VEGFD: variants seen among roughly 807,000 people sequenced by gnomAD.
VEGFD encodes vascular endothelial growth factor D.
In VEGFD, 26 loss-of-function variants were observed where a neutral mutation model predicts 28.0. That is an observed-to-expected ratio of 0.93 (90% CI 0.68 to 1.29). VEGFD has a LOEUF of 1.29. Ranked by LOEUF, VEGFD falls within the 50% of genes most tolerant of loss-of-function variation. VEGFD has a pLI of 0.00. For synonymous variants in VEGFD, 93 were observed against 95.5 expected (o/e 0.97, Z 0.15); for missense variants, 294 against 273.4 (o/e 1.08, Z -0.53).
chrX:15,351,242 A>G (rs1372156550), intron 5 of VEGFD, among the ~76,000 whole-genome samples: 1 of 99,885 alleles, frequency 1.0e-5, no homozygotes, highest in African/African-American at 3.6e-5. Flanking sequence ...CAGCCTCCCA[A>G]GTAGCTGGGA....
chrX:15,377,442 A>AT (rs1307628743), intron 1 of VEGFD, among the ~76,000 whole-genome samples: 10 of 111,770 alleles, frequency 8.9e-5, no homozygotes, highest in African/African-American at 3.2e-4. Context: ...AAATCAGTGA[A>AT]TTTTTTTTAT....
chrX:15,355,838 GTCC>G (rs937638345), intron 3 of VEGFD, among the ~76,000 whole-genome samples: 29 of 111,748 alleles, frequency 2.6e-4, no homozygotes, highest in African/African-American at 9.1e-4. Context: ...AGGCTTGCTG[GTCC>G]AAGCGATGGG....
chrX:15,368,070 GAAA>G (rs1569186714), intron 1 of VEGFD, among the ~76,000 whole-genome samples: 28 of 92,614 alleles, frequency 3.0e-4, no homozygotes, highest in African/African-American at 9.6e-4. Flanking sequence ...AGGAAAGAAA[GAAA>G]GAAAGAAAGA....
chrX:15,348,894 C>T (rs905452226), intron 5 of VEGFD, among the ~76,000 whole-genome samples: 13 of 112,449 alleles, frequency 1.2e-4, no homozygotes, highest in African/African-American at 3.9e-4. Flanking sequence ...TGAAGCAGGC[C>T]GATGTATGGA....
chrX:15,355,381 T>TCAACCTCCCAAAG, intron 3 of VEGFD, 83 bp from the exon 4 acceptor site: 1 of 859,795 alleles, frequency 1.2e-6, no homozygotes, highest in Non-Finnish European at 1.5e-6. Flanking sequence ...AATTTTTGCC[T>TCAACCTCCCAAAG]TTGTCATTTA....
intron 1 of VEGFD, among the ~76,000 whole-genome samples, chrX:15,382,212 C>A (rs775957783): frequency 9.1e-6 from 1 of 110,170 alleles, no homozygotes; most frequent in Non-Finnish European, 1.9e-5. Context: ...TCCAGCTACT[C>A]GAGAGGCTGA....
chrX:15,359,504 C>T (rs915952337), intron 2 of VEGFD, among the ~76,000 whole-genome samples: 7 of 108,155 alleles, frequency 6.5e-5, no homozygotes, highest in Non-Finnish European at 9.6e-5. Context: ...TTTCAAGCCC[C>T]GCATGCATTA....
chrX:15,374,641 C>T (rs1038141910), intron 1 of VEGFD, among the ~76,000 whole-genome samples: 35 of 111,131 alleles, frequency 3.1e-4, no homozygotes, highest in Non-Finnish European at 5.8e-4. Flanking sequence ...AGTTCCGTAT[C>T]CTAATTATGG....
Position 15,358,068 on chromosome X carries a change from C to T in VEGFD, c.427G>A (p.Gly143Ser). The change falls in exon 3 of 7, where the codon GGT becomes AGT. Residue 143 changes from glycine (G) to serine (S), a missense_variant. Coordinates refer to ENST00000297904, the MANE Select transcript of VEGFD (RefSeq NM_004469.5). Reference protein sequence around the residue: ...KPPCVNVFRCGGCCNEESLIC... With the variant: ...KPPCVNVFRCSGCCNEESLIC... ...AGGCTCTCTTCATTGCAACAGCCAC[C>T]ACATCGGAACACGTTCACACAAGGG... 1.7e-6 allele frequency: 2 copies of T among 1,211,510 alleles called. No individual in the cohort carries two copies. Among genetic ancestry groups the T allele is most frequent in the East Asian group, 5.9e-5 (2 of 33,846 alleles).
intron 1 of VEGFD, among the ~76,000 whole-genome samples, chrX:15,382,936 G>A (rs769074864): frequency 9.0e-6 from 1 of 111,672 alleles, no homozygotes; most frequent in Admixed American, 9.5e-5. Context: ...CTGTATGTAC[G>A]TCTGTGCGTG....
chrX:15,369,378 TTTGG>T (rs761887167), intron 1 of VEGFD, among the ~76,000 whole-genome samples: 23 of 110,182 alleles, frequency 2.1e-4, no homozygotes, highest in African/African-American at 7.2e-4. Flanking sequence ...AGGGGTTCAC[TTTGG>T]TTGGGCATAG....
intron 3 of VEGFD, among the ~76,000 whole-genome samples, chrX:15,357,660 C>A (rs1230297017): frequency 8.9e-6 from 1 of 111,788 alleles, no homozygotes; most frequent in African/African-American, 3.3e-5. Context: ...CTTTTAACAT[C>A]CTGTCCTAGT....
At chrX:15,375,074 T>A (rs922178140) in intron 1 of VEGFD, among the ~76,000 whole-genome samples, 1 of 111,317 alleles carries the variant, frequency 9.0e-6, no homozygotes, top group African/African-American at 3.3e-5. Context: ...TTAGGGCCCC[T>A]GATATTCCTT....
chrX:15,368,035 G>GAAAGAAAGAAAGAAAAGAAGA, intron 1 of VEGFD, among the ~76,000 whole-genome samples: 1 of 37,432 alleles, frequency 2.7e-5, no homozygotes, highest in South Asian at 1.6e-3. Context: ...AGAAAGGAAA[G>GAAAGAAAGAAAGAAAAGAAGA]AAGAAAGAAA....
intron 1 of VEGFD, among the ~76,000 whole-genome samples, chrX:15,368,010 GAAAGAAAGAAAGAAAGAAAGGAAA>G (rs1400961376): frequency 1.2e-5 from 1 of 81,910 alleles, no homozygotes; most frequent in African/African-American, 4.8e-5. Flanking sequence ...AAGAAAGAAA[GAAAGAAAGAAAGAAAGAAAGGAAA>G]GAAGAAAGAA....
At chrX:15,347,461 C>T in intron 5 of VEGFD, 102 bp from the exon 6 acceptor site, 1 of 615,079 alleles carries the variant, frequency 1.6e-6, no homozygotes, top group Non-Finnish European at 2.4e-6. Context: ...AACTTGGATT[C>T]ACCCAATCTC....
chrX:15,368,027 A>AAAGAAAGG (rs1346653041), intron 1 of VEGFD, among the ~76,000 whole-genome samples: 1 of 83,070 alleles, frequency 1.2e-5, no homozygotes, highest in Non-Finnish European at 2.3e-5. Flanking sequence ...AGAAAGAAAG[A>AAAGAAAGG]AAGGAAAGAA....
At position 15,358,198 on chromosome X, in the gene VEGFD, A is replaced by G; in HGVS notation, c.302-5T>C. 8.3e-7 allele frequency: 1 copy of G among 1,199,593 alleles called. No individual in the cohort carries two copies. Among genetic ancestry groups the G allele is most frequent in the Non-Finnish European group, 1.1e-6 (1 of 889,172 alleles). On this transcript the variant is annotated splice_region_variant and splice_polypyrimidine_tract_variant and intron_variant, in intron 2 of 6. Coordinates refer to ENST00000297904, the MANE Select transcript of VEGFD (RefSeq NM_004469.5). Reference sequence around the variant, plus strand: ...TTTGCCATTCTTCATCTATAACTGCAGAGAGAAAGAAAGCTCACTGGGGCT... The same window carrying G: ...TTTGCCATTCTTCATCTATAACTGCGGAGAGAAAGAAAGCTCACTGGGGCT...
chrX:15,368,069 A>AG (rs1198547581), intron 1 of VEGFD, among the ~76,000 whole-genome samples: 5 of 107,975 alleles, frequency 4.6e-5, no homozygotes, highest in South Asian at 4.1e-4. Context: ...AAGGAAAGAA[A>AG]GAAAGAAAGA....
Sources: allele counts gnomAD v4.1 joint callset (sites outside exome capture counted in the v4.1 genomes callset), GRCh38; gene constraint gnomAD v4.1.1; transcripts MANE v1.5; gene names NCBI Gene and HGNC (gene_info 2026-07-23, HGNC 2026-07-21).